COLEC10: variants seen among roughly 807,000 people sequenced by gnomAD.
COLEC10 encodes collectin subfamily member 10.
In COLEC10, 22 loss-of-function variants were observed where a neutral mutation model predicts 28.4. That is an observed-to-expected ratio of 0.78 (90% CI 0.55 to 1.11). The LOEUF is 1.11. Among genes scored for constraint, COLEC10 ranks in the 50% least tolerant of loss-of-function variants. The pLI, the probability that COLEC10 is intolerant of heterozygous loss-of-function variation, is 0.00. For missense variants in COLEC10, 361 were observed against 344.1 expected, an observed-to-expected ratio of 1.05 and a Z score of -0.39; for synonymous variants, 125 against 116.1, an observed-to-expected ratio of 1.08 and a Z score of -0.49.
intron 1 of COLEC10, among the ~76,000 whole-genome samples, chr8:118,996,434 C>T (rs556322586): frequency 2.0e-5 from 3 of 152,248 alleles, no homozygotes; most frequent in African/African-American, 4.8e-5. Flanking sequence ...GAGGAACGCT[C>T]GTTCTGCTTT....
chr8:119,044,614 G>A lies in COLEC10; in HGVS notation n.235+35061G>A, dbSNP rs550993022. 1.4e-3 allele frequency among the ~76,000 whole-genome samples: 209 copies of A among 152,232 alleles called. 1 individual carries two copies. Among genetic ancestry groups the A allele is most frequent in the Admixed American group, 2.9e-3 (45 of 15,286 alleles). On this transcript the variant is annotated intron_variant and non_coding_transcript_variant, in intron 2 of 6. Transcript: ENST00000521788. ...AATCCCAGCACTTTGGGAGGCCAGC[G>A]GGAGGGCGGGGGCATGGATCGTTTC...
At chr8:119,006,248 A>G (rs1213565365) in intron 1 of COLEC10, among the ~76,000 whole-genome samples, 1 of 152,096 alleles carries the variant, frequency 6.6e-6, no homozygotes, top group Non-Finnish European at 1.5e-5. Flanking sequence ...AATAGGAAGT[A>G]TTGGAAACTT....
chr8:119,033,684 A>G (rs1814334292), intron 2 of COLEC10, among the ~76,000 whole-genome samples: 1 of 152,238 alleles, frequency 6.6e-6, no homozygotes. Flanking sequence ...GTAAAACCAC[A>G]ATGAGATACC....
chr8:119,016,174 C>T (rs7463726), intron 2 of COLEC10, among the ~76,000 whole-genome samples: 1 of 152,122 alleles, frequency 6.6e-6, no homozygotes, highest in Non-Finnish European at 1.5e-5. Context: ...GCTCTCCCTT[C>T]CCTTGCCCCC....
chr8:118,997,534 A>T (rs183154546), intron 1 of COLEC10, among the ~76,000 whole-genome samples: 1 of 152,320 alleles, frequency 6.6e-6, no homozygotes, highest in Admixed American at 6.5e-5. Flanking sequence ...CTTGAATTAC[A>T]CTTTACTGTC....
the COLEC10 span, among the ~76,000 whole-genome samples, chr8:118,976,160 A>G: frequency 6.6e-6 from 1 of 152,088 alleles, no homozygotes; most frequent in East Asian, 1.9e-4. Flanking sequence ...GTTCAATTAT[A>G]ATAGCTACTT....
chr8:118,982,981 C>T, the COLEC10 span: 8 of 152,146 alleles, frequency 5.3e-5, no homozygotes, highest in African/African-American at 1.9e-4. Context: ...GTGGTTACAG[C>T]TTGGGTTGAA....
the COLEC10 span, among the ~76,000 whole-genome samples, chr8:118,984,444 A>G: frequency 6.6e-6 from 1 of 152,142 alleles, no homozygotes; most frequent in Non-Finnish European, 1.5e-5. Flanking sequence ...ACATGAGTTT[A>G]CCTACATAAC....
intron 1 of COLEC10, among the ~76,000 whole-genome samples, chr8:119,001,570 C>T (rs1813700436): frequency 6.6e-6 from 1 of 152,108 alleles, no homozygotes; most frequent in Non-Finnish European, 1.5e-5. Flanking sequence ...TATAAAAGTG[C>T]ATGCTCAATA....
chr8:119,056,144 C>T (rs1379372866), intron 2 of COLEC10, among the ~76,000 whole-genome samples: 2 of 152,040 alleles, frequency 1.3e-5, no homozygotes, highest in African/African-American at 2.4e-5. Flanking sequence ...GATCTTGTCA[C>T]TTCCACTTGT....
intron 3 of COLEC10, among the ~76,000 whole-genome samples, chr8:119,093,486 C>T (rs562568375): frequency 6.6e-6 from 1 of 152,260 alleles, no homozygotes; most frequent in East Asian, 1.9e-4. Flanking sequence ...AGAAGTCCTG[C>T]TGCAGTGTGT....
intron 1 of COLEC10, among the ~76,000 whole-genome samples, chr8:119,002,993 G>T (rs1480955743): frequency 6.6e-6 from 1 of 152,044 alleles, no homozygotes; most frequent in Non-Finnish European, 1.5e-5. Flanking sequence ...TTCTCCATTG[G>T]CTTAGTTCCA....
intron 2 of COLEC10, among the ~76,000 whole-genome samples, chr8:119,049,824 A>C (rs1044295658): frequency 6.6e-6 from 1 of 152,240 alleles, no homozygotes; most frequent in African/African-American, 2.4e-5. Context: ...AAATCATACT[A>C]TAACTTCTAT....
chr8:119,089,505 C>T (rs957552339), intron 1 of COLEC10, among the ~76,000 whole-genome samples, 175 bp from the exon 2 acceptor site: 2 of 152,180 alleles, frequency 1.3e-5, no homozygotes, highest in Admixed American at 1.3e-4. Context: ...CTGGAAGTTT[C>T]TTCCTTTCAC....
At chr8:119,048,811 TA>T (rs755993180) in intron 2 of COLEC10, among the ~76,000 whole-genome samples, 52 of 152,180 alleles carry the variant, frequency 3.4e-4, no homozygotes, top group Admixed American at 7.2e-4. Context: ...CTATAGCTTT[TA>T]AATGGGGCAT....
chr8:119,002,610 A>G (rs1813722094), intron 1 of COLEC10, among the ~76,000 whole-genome samples: 1 of 152,136 alleles, frequency 6.6e-6, no homozygotes, highest in Admixed American at 6.6e-5. Context: ...AATTTTCTGA[A>G]TGATGGCATT....
At chr8:119,077,604 C>G (rs1368839780) in intron 1 of COLEC10, among the ~76,000 whole-genome samples, 2 of 152,002 alleles carry the variant, frequency 1.3e-5, no homozygotes, top group Admixed American at 1.3e-4. Context: ...CAAAAAACAC[C>G]ACCAGTGCAA....
intron 3 of COLEC10, among the ~76,000 whole-genome samples, chr8:119,095,493 T>G (rs548085151): frequency 3.9e-5 from 6 of 152,230 alleles, no homozygotes; most frequent in Admixed American, 2.6e-4. Context: ...ACCTGAGGTC[T>G]GGAGTTTGAG....
intron 2 of COLEC10, among the ~76,000 whole-genome samples, chr8:119,054,830 T>C (rs796914202): frequency 3.9e-5 from 6 of 152,206 alleles, no homozygotes; most frequent in African/African-American, 1.4e-4. Context: ...AAAGTAATTA[T>C]GTGTATAAAA....
Sources: gnomAD v4.1 joint callset for allele counts (sites outside exome capture counted in the v4.1 genomes callset) on GRCh38, gnomAD v4.1.1 for gene constraint, MANE v1.5 for transcripts, NCBI Gene and HGNC (gene_info 2026-07-23, HGNC 2026-07-21) for gene names.